The following ERC1 variants were observed in gnomAD, a reference collection of about 807,000 sequenced individuals.
The protein encoded by ERC1 is ELKS/RAB6-interacting/CAST family member 1, also known as RAB6 interacting protein 2.
In ERC1, 56 loss-of-function variants were observed where a neutral mutation model predicts 132.0. The observed-to-expected ratio is 0.42, with a 90% CI of 0.34 to 0.53. ERC1 has a LOEUF of 0.53. Among genes scored for constraint, ERC1 ranks in the 20% least tolerant of loss-of-function variants. The pLI, the probability that ERC1 is intolerant of heterozygous loss-of-function variation, is 0.03. For missense variants in ERC1, 1,202 were observed against 1,349.9 expected (o/e 0.89, Z 1.72); for synonymous variants, 478 against 476.1 (o/e 1.00, Z -0.05).
intron 2 of ERC1, among the ~76,000 whole-genome samples, chr12:1,078,226 C>T (rs1175079355): frequency 6.6e-6 from 1 of 152,128 alleles, no homozygotes; most frequent in East Asian, 1.9e-4. Flanking sequence ...TTGAATTTCA[C>T]TTCTGGTATT....
intron 15 of ERC1, among the ~76,000 whole-genome samples, chr12:1,304,344 T>C (rs565961083): frequency 2.6e-5 from 4 of 152,328 alleles, no homozygotes; most frequent in African/African-American, 9.6e-5. Context: ...AAAATGTTTC[T>C]CAGAAGTCCT....
intron 7 of ERC1, among the ~76,000 whole-genome samples, chr12:1,131,192 A>G (rs1295630857): frequency 1.3e-5 from 2 of 152,140 alleles, no homozygotes; most frequent in Non-Finnish European, 2.9e-5. Flanking sequence ...GAAGCTGTGG[A>G]GGTGGTGGTG....
At chr12:1,376,449 T>G (rs2087926006) in intron 16 of ERC1, among the ~76,000 whole-genome samples, 1 of 152,154 alleles carries the variant, frequency 6.6e-6, no homozygotes, top group Non-Finnish European at 1.5e-5. Context: ...GTATAACTTT[T>G]CAGAATTCTG....
chr12:1,008,402 A>G (rs1335496148), intron 1 of ERC1, among the ~76,000 whole-genome samples: 1 of 152,244 alleles, frequency 6.6e-6, no homozygotes. Flanking sequence ...TATGATTTAC[A>G]ACACATTAAA....
intron 17 of ERC1, among the ~76,000 whole-genome samples, chr12:1,431,434 C>T (rs551803959): frequency 3.3e-5 from 5 of 152,064 alleles, no homozygotes; most frequent in Non-Finnish European, 7.4e-5. Flanking sequence ...TTTAACTGAG[C>T]GTTTTCTGGA....
chr12:1,276,868 T>G, intron 14 of ERC1, among the ~76,000 whole-genome samples: 1 of 152,260 alleles, frequency 6.6e-6, no homozygotes, highest in Middle Eastern at 3.2e-3. Flanking sequence ...TTATCATATT[T>G]TTATACTTAT....
chr12:1,111,588 TA>T (rs1247884566), intron 5 of ERC1, among the ~76,000 whole-genome samples: 2 of 152,092 alleles, frequency 1.3e-5, no homozygotes, highest in African/African-American at 2.4e-5. Context: ...TTTTAGAAAT[TA>T]AAAACTCACA....
chr12:1,262,918 T>C lies in ERC1; in HGVS notation c.2488-116T>C, dbSNP rs951628298. On this transcript the variant is annotated intron_variant, in intron 13 of 18. Coordinates refer to ENST00000360905, the MANE Select transcript of ERC1 (RefSeq NM_178040.4). Reference sequence around the variant, plus strand: ...CCTCTGTGACGATATCTTGTTGACCTGGATTTGCTTCTGATGGAAAGAACA... The same window carrying C: ...CCTCTGTGACGATATCTTGTTGACCCGGATTTGCTTCTGATGGAAAGAACA... 3 of 996,494 alleles carry C rather than the reference T, an allele frequency of 3.0e-6. No individual in the cohort carries two copies. The South Asian group carries it at 5.1e-5, about 17-fold the overall frequency. 61.7% of individuals were successfully genotyped at this position (996,494 alleles called of 1,614,324 possible). A position where few individuals can be genotyped will look rare whatever the true frequency, so the allele number is the denominator to read the frequency against.
intron 16 of ERC1, among the ~76,000 whole-genome samples, chr12:1,395,021 A>G (rs2090412949): frequency 2.0e-5 from 3 of 152,232 alleles, no homozygotes; most frequent in Admixed American, 2.0e-4. Context: ...AATCCAGCTA[A>G]TAATTCCCTT....
Position 1,493,546 on chromosome 12 carries a change from A to ATATATATATATATATATAT in ERC1, c.*3316_*3317insTATATATATATATATATAT, listed in dbSNP as rs58984591. On this transcript the variant is annotated 3_prime_UTR_variant, in exon 19 of 19. Transcript: ENST00000360905. ...AGACTCCATTTAAAAAAAAAAAAAA[A>ATATATATATATATATATAT]AAATATATATATATATATATATATA... 63 of 23,952 alleles carry ATATATATATATATATATAT rather than the reference A, an allele frequency of 2.6e-3. No individual in the cohort carries two copies. Among genetic ancestry groups the ATATATATATATATATATAT allele is most frequent in the Admixed American group, 3.8e-3 (5 of 1,302 alleles). 1.5% of individuals were successfully genotyped at this position (23,952 alleles called of 1,614,324 possible). A position where few individuals can be genotyped will look rare whatever the true frequency, so the allele number is the denominator to read the frequency against.
At chr12:1,127,154 G>A (rs963635748) in intron 7 of ERC1, among the ~76,000 whole-genome samples, 2 of 152,086 alleles carry the variant, frequency 1.3e-5, no homozygotes, top group Non-Finnish European at 2.9e-5. Flanking sequence ...TTTCAAAGAT[G>A]ATGAAATACT....
At chr12:1,452,680 A>C (rs1220256836) in intron 18 of ERC1, among the ~76,000 whole-genome samples, 2 of 152,170 alleles carry the variant, frequency 1.3e-5, no homozygotes, top group Non-Finnish European at 2.9e-5. Context: ...TGGATAATTT[A>C]TATTGATCTA....
At chr12:1,069,629 A>T (rs1034555552) in intron 2 of ERC1, among the ~76,000 whole-genome samples, 32 of 152,168 alleles carry the variant, frequency 2.1e-4, no homozygotes, top group Admixed American at 6.5e-4. Flanking sequence ...CTTAGGGCAG[A>T]TGTATTTTGG....
intron 7 of ERC1, among the ~76,000 whole-genome samples, chr12:1,132,886 G>A (rs1240297077): frequency 6.6e-6 from 1 of 150,752 alleles, no homozygotes. Flanking sequence ...ACGGAGTTTC[G>A]CTCTTGTCAC....
intron 16 of ERC1, among the ~76,000 whole-genome samples, chr12:1,407,061 A>C (rs1290058068): frequency 6.6e-6 from 1 of 152,118 alleles, no homozygotes; most frequent in Non-Finnish European, 1.5e-5. Context: ...TGCAGAGTTA[A>C]TTTTTCTAAA....
In ERC1 at chr12:1,236,737, G is replaced by A. The variant is rs146911338; in HGVS notation, c.2352-32G>A. 1.1e-4 allele frequency: 181 copies of A among 1,603,142 alleles called. No homozygotes were observed. The African/African-American group carries it at 2.0e-3, about 18-fold the overall frequency. ...CATATTTGTTTCTATACATACATAT[G>A]CAAAGCTTGATTTTTCTCCTTCTGT... On this transcript the variant is annotated intron_variant, in intron 12 of 18. Coordinates refer to ENST00000360905, the MANE Select transcript of ERC1 (RefSeq NM_178040.4).
intron 2 of ERC1, among the ~76,000 whole-genome samples, chr12:1,061,976 T>C (rs1297330312): frequency 1.1e-4 from 16 of 150,130 alleles, no homozygotes; most frequent in Non-Finnish European, 1.2e-4. Flanking sequence ...GTGTTTTTTT[T>C]TCTTCTTTTC....
At chr12:1,076,397 C>CTTTTTTTTTTTTTTTTTTTT (rs71293129) in intron 2 of ERC1, among the ~76,000 whole-genome samples, 1 of 131,028 alleles carries the variant, frequency 7.6e-6, no homozygotes. Flanking sequence ...TTTTCTTTTT[C>CTTTTTTTTTTTTTTTTTTTT]TTTTTTTTTT....
At position 1,289,971 on chromosome 12, in the gene ERC1, G is replaced by A; in HGVS notation, c.2739G>A (p.Arg913=). 1.9e-6 allele frequency: 3 copies of A among 1,614,100 alleles called. No individual in the cohort carries two copies. Among genetic ancestry groups the A allele is most frequent in the African/African-American group, 1.3e-5 (1 of 75,024 alleles). ...AGGAAACTCACTTGACTAATCTTCG[G>A]GCAGAGAGAAGGAAACACTTAGAGG... ...AEKETHLTNL[R]AERRKHLEEV... is the part of the protein sequence containing the mutation. Residue 913 remains arginine (R), a synonymous_variant, in exon 15 of 19, where the codon CGG becomes CGA. Coordinates refer to ENST00000360905, the MANE Select transcript of ERC1 (RefSeq NM_178040.4).
Sources: gnomAD v4.1 joint callset for allele counts (sites outside exome capture counted in the v4.1 genomes callset) on GRCh38, gnomAD v4.1.1 for gene constraint, MANE v1.5 for transcripts, NCBI Gene and HGNC (gene_info 2026-07-23, HGNC 2026-07-21) for gene names.